Variants in GALNT13 observed in about 807,000 individuals in gnomAD.
The protein encoded by GALNT13 is UDP-GalNAc:polypeptide N-acetylgalactosaminyltransferase 13.
GALNT13 carries 28 observed loss-of-function variants against 64.2 expected under a neutral mutation model. The ratio of observed to expected loss-of-function variants is 0.44; its 90% CI spans 0.32 to 0.60. GALNT13 has a LOEUF of 0.60. Among genes scored for constraint, GALNT13 ranks in the 20% least tolerant of loss-of-function variants. The pLI, the probability that GALNT13 is intolerant of heterozygous loss-of-function variation, is 0.05. For missense variants in GALNT13, 577 were observed against 669.8 expected, an observed-to-expected ratio of 0.86 and a Z score of 1.53; for synonymous variants, 214 against 224.6, an observed-to-expected ratio of 0.95 and a Z score of 0.42.
chr2:153,741,757 T>A, the GALNT13 span, among the ~76,000 whole-genome samples: 1 of 152,102 alleles, frequency 6.6e-6, no homozygotes, highest in Admixed American at 6.6e-5. Flanking sequence ...ACTTTTATAT[T>A]TTTCTATACA....
At chr2:153,223,729 C>T in the GALNT13 span, among the ~76,000 whole-genome samples, 1 of 152,080 alleles carries the variant, frequency 6.6e-6, no homozygotes, top group African/African-American at 2.4e-5. Context: ...GAGGCTGAAG[C>T]TGGGGGATCA....
chr2:153,139,128 AT>A, the GALNT13 span, among the ~76,000 whole-genome samples: 2 of 152,076 alleles, frequency 1.3e-5, no homozygotes, highest in Non-Finnish European at 2.9e-5. Context: ...TCAACATGAG[AT>A]TTCTGAAGGG....
chr2:153,181,630 T>C, the GALNT13 span, among the ~76,000 whole-genome samples: 1 of 146,636 alleles, frequency 6.8e-6, no homozygotes, highest in Non-Finnish European at 1.5e-5. Context: ...ATAATTTATA[T>C]ATTTATATAA....
chr2:153,321,344 G>A, the GALNT13 span, among the ~76,000 whole-genome samples: 11 of 152,136 alleles, frequency 7.2e-5, no homozygotes, highest in African/African-American at 9.7e-5. Flanking sequence ...TCCTTGATAG[G>A]TGCTGTGGCC....
the GALNT13 span, among the ~76,000 whole-genome samples, chr2:153,666,226 C>T: frequency 3.3e-5 from 5 of 152,212 alleles, no homozygotes; most frequent in African/African-American, 1.2e-4. Context: ...ACTCACCCAC[C>T]TGCAGCCTCC....
rs1696128791 is a variant in GALNT13, at chr2:154,347,364, C to T, written c.1156+45775C>T. Among the ~76,000 whole-genome samples the T allele has an allele frequency of 2.6e-5, 4 of 151,984 alleles. No individual in the cohort carries two copies. The South Asian group carries it at 8.3e-4, about 32-fold the overall frequency. ...TTCATATTTGTTATAATATTTTATT[C>T]CCAATGCCTTTTTAAAGCTTTTAAC... On this transcript the variant is annotated intron_variant, in intron 9 of 12. Transcript: ENST00000392825.
chr2:154,140,327 T>C lies in GALNT13; in HGVS notation c.143-10T>C. ...TTGTATGTATGTCTGTATCTCTGTA[T>C]GTCTTACAGCTGTTATTTCAAGAAA... is the stretch of plus-strand genomic sequence containing the variant. On this transcript the variant is annotated splice_polypyrimidine_tract_variant and intron_variant, in intron 3 of 12. Coordinates refer to ENST00000392825, the MANE Select transcript of GALNT13 (RefSeq NM_052917.4). 1.2e-6 allele frequency: 2 copies of C among 1,607,016 alleles called. No homozygotes were observed. Among genetic ancestry groups the C allele is most frequent in the Non-Finnish European group, 1.7e-6 (2 of 1,174,258 alleles).
At chr2:153,711,056 C>T in the GALNT13 span, among the ~76,000 whole-genome samples, 4,337 of 151,916 alleles carry the variant, frequency 0.029, 98 homozygotes, top group Non-Finnish European at 0.045. Flanking sequence ...TATTTTAAAC[C>T]CCCTTTCTCT....
At chr2:153,477,153 G>A in the GALNT13 span, among the ~76,000 whole-genome samples, 1 of 152,222 alleles carries the variant, frequency 6.6e-6, no homozygotes, top group African/African-American at 2.4e-5. Flanking sequence ...TGTGCCTGAG[G>A]CTGGGCTCCT....
the GALNT13 span, among the ~76,000 whole-genome samples, chr2:153,847,394 T>C: frequency 1.1e-4 from 6 of 55,376 alleles, no homozygotes. Context: ...ATATATGTGC[T>C]CATGCGCACA....
chr2:154,077,034 C>A (rs1701024201), intron 3 of GALNT13, among the ~76,000 whole-genome samples: 1 of 151,298 alleles, frequency 6.6e-6, no homozygotes, highest in African/African-American at 2.4e-5. Flanking sequence ...CTAAAGGAGG[C>A]CAAATAATAG....
chr2:153,348,100 G>A, the GALNT13 span, among the ~76,000 whole-genome samples: 4 of 152,126 alleles, frequency 2.6e-5, no homozygotes, highest in Non-Finnish European at 5.9e-5. Flanking sequence ...TCTGTTTGGA[G>A]TGGAGGCTGA....
chr2:154,406,247 C>T (rs535923194), intron 10 of GALNT13, among the ~76,000 whole-genome samples: 2 of 152,072 alleles, frequency 1.3e-5, no homozygotes, highest in African/African-American at 2.4e-5. Context: ...TTGGACCTTC[C>T]ACCCCCATTG....
the GALNT13 span, among the ~76,000 whole-genome samples, chr2:153,681,932 A>T: frequency 6.6e-6 from 1 of 151,674 alleles, no homozygotes; most frequent in Non-Finnish European, 1.5e-5. Context: ...GTTTCGGGAG[A>T]TTATTCTTGA....
the GALNT13 span, among the ~76,000 whole-genome samples, chr2:153,291,870 G>A: frequency 6.6e-6 from 1 of 152,084 alleles, no homozygotes; most frequent in African/African-American, 2.4e-5. Context: ...ATTGAACTGT[G>A]TGTGGGTGTG....
At chr2:153,371,201 G>T in the GALNT13 span, 1 of 152,076 alleles carries the variant, frequency 6.6e-6, no homozygotes. Flanking sequence ...CCTAATACGG[G>T]TCATCTCCAA....
chr2:153,895,690 C>T (rs1006875749), intron 1 of GALNT13, among the ~76,000 whole-genome samples: 1 of 152,030 alleles, frequency 6.6e-6, no homozygotes, highest in African/African-American at 2.4e-5. Flanking sequence ...AAGTTGGGTA[C>T]ATCAGTTTCA....
chr2:153,498,467 C>T, the GALNT13 span, among the ~76,000 whole-genome samples: 1 of 152,224 alleles, frequency 6.6e-6, no homozygotes, highest in Admixed American at 6.5e-5. Flanking sequence ...GGCGAGTGAG[C>T]ACGGGGTCCA....
chr2:153,324,563 G>A, the GALNT13 span, among the ~76,000 whole-genome samples: 7 of 151,050 alleles, frequency 4.6e-5, no homozygotes, highest in East Asian at 9.7e-4. Context: ...GGCATCCTTC[G>A]TCTTTTGCCG....
Sources: gnomAD v4.1 joint callset for allele counts (sites outside exome capture counted in the v4.1 genomes callset) on GRCh38, gnomAD v4.1.1 for gene constraint, MANE v1.5 for transcripts, NCBI Gene and HGNC (gene_info 2026-07-23, HGNC 2026-07-21) for gene names.